The following FIGN variants were observed in gnomAD, a reference collection of about 807,000 sequenced individuals.
FIGN encodes the protein fidgetin.
FIGN carries 11 observed loss-of-function variants against 51.3 expected under a neutral mutation model. The observed-to-expected ratio is 0.21, with a 90% CI of 0.13 to 0.35. FIGN has a LOEUF of 0.35. Ranked by LOEUF, FIGN falls within the 10% of genes least tolerant of loss-of-function variation. FIGN has a pLI of 1.00. For missense variants in FIGN, 857 were observed against 943.6 expected (o/e 0.91, Z 1.20); for synonymous variants, 407 against 363.2 (o/e 1.12, Z -1.37).
In FIGN at chr2:163,637,721, C is replaced by T. The variant is rs78120300; in HGVS notation, c.26-25915G>A. On this transcript the variant is annotated intron_variant, in intron 2 of 2. Coordinates refer to ENST00000333129, the MANE Select transcript of FIGN (RefSeq NM_018086.4). ...AGCACAATCCTTTCTTGCACATGCA[C>T]ATAAGGCTTTAAAATTTTTATTTTT... 9.7e-3 allele frequency among the ~76,000 whole-genome samples: 1,468 copies of T among 151,814 alleles called. 26 individuals carry two copies. Among genetic ancestry groups the T allele is most frequent in the African/African-American group, 0.033 (1,369 of 41,336 alleles).
At chr2:163,631,087 CTA>C (rs1287707597) in intron 2 of FIGN, among the ~76,000 whole-genome samples, 2 of 152,094 alleles carry the variant, frequency 1.3e-5, no homozygotes, top group Admixed American at 1.3e-4. Context: ...AGGAGGGCAA[CTA>C]TGTGGGAAGC....
intron 2 of FIGN, among the ~76,000 whole-genome samples, chr2:163,703,138 A>G (rs1384542852): frequency 6.6e-6 from 1 of 152,084 alleles, no homozygotes; most frequent in African/African-American, 2.4e-5. Context: ...TTGAAAAAAT[A>G]AAGAAAAAAG....
intron 2 of FIGN, among the ~76,000 whole-genome samples, chr2:163,720,453 A>G (rs1406569745): frequency 1.3e-5 from 2 of 152,214 alleles, no homozygotes; most frequent in Non-Finnish European, 2.9e-5. Flanking sequence ...TCCATTAGAA[A>G]ACATTCTTTT....
chr2:163,719,777 A>G (rs940634958), intron 2 of FIGN, among the ~76,000 whole-genome samples: 1 of 152,204 alleles, frequency 6.6e-6, no homozygotes, highest in East Asian at 1.9e-4. Flanking sequence ...TTGATCACGT[A>G]GCATATCAAG....
chr2:163,680,152 C>A (rs1361182274), intron 2 of FIGN, among the ~76,000 whole-genome samples: 2 of 152,148 alleles, frequency 1.3e-5, no homozygotes, highest in Non-Finnish European at 2.9e-5. Flanking sequence ...CTTTTAGATA[C>A]AACAGGGACT....
Position 163,690,432 on chromosome 2 carries a change from C to T in FIGN, c.25+44471G>A, listed in dbSNP as rs77699662. On this transcript the variant is annotated intron_variant, in intron 2 of 2. Coordinates refer to ENST00000333129, the MANE Select transcript of FIGN (RefSeq NM_018086.4). ...AGCAGAAACAAATGTGTCAAAAAGC[C>T]GTAGAGCTGGGTGAGAATCAAAAAC... Among the ~76,000 whole-genome samples, 1,100 of 152,076 alleles carry T rather than the reference C, an allele frequency of 7.2e-3. 12 individuals carry two copies. The highest frequency in any genetic ancestry group is 0.025 in the African/African-American group (1,041 of 41,496).
intron 2 of FIGN, among the ~76,000 whole-genome samples, chr2:163,669,955 C>T (rs527764906): frequency 8.5e-5 from 13 of 152,208 alleles, no homozygotes; most frequent in African/African-American, 2.6e-4. Flanking sequence ...AGCATTGATG[C>T]CCACTCTTCC....
At position 163,655,087 on chromosome 2, in the gene FIGN, C is replaced by T. The variant is rs1441561505; in HGVS notation, c.26-43281G>A. 9.2e-5 allele frequency among the ~76,000 whole-genome samples: 14 copies of T among 152,182 alleles called. 1 individual carries two copies. In the South Asian group the frequency reaches 2.9e-3, roughly 32 times the overall value. ...GTGTGCATGCATACATGTGTACATA[C>T]TCAAGAGACGTTTTATTTTATTTTA... On this transcript the variant is annotated intron_variant, in intron 2 of 2. Transcript: ENST00000333129.
At chr2:163,623,136 G>A (rs1001036193) in intron 2 of FIGN, among the ~76,000 whole-genome samples, 8 of 152,098 alleles carry the variant, frequency 5.3e-5, no homozygotes, top group Admixed American at 5.2e-4. Flanking sequence ...AAAGGCTATA[G>A]AGAATATAAG....
intron 2 of FIGN, among the ~76,000 whole-genome samples, chr2:163,626,754 A>G (rs1022531217): frequency 6.6e-6 from 1 of 152,160 alleles, no homozygotes; most frequent in Non-Finnish European, 1.5e-5. Flanking sequence ...ATAGGAGGTC[A>G]GCACAAGATA....
chr2:163,646,085 G>A (rs1683376544), intron 2 of FIGN, among the ~76,000 whole-genome samples: 1 of 152,046 alleles, frequency 6.6e-6, no homozygotes, highest in African/African-American at 2.4e-5. Context: ...ATGCCTTTTG[G>A]TAAATGAATG....
At chr2:163,676,466 T>TATATCTAGAGTCTGTGCTCTAGATA (rs1172925470) in intron 2 of FIGN, among the ~76,000 whole-genome samples, 3 of 106,918 alleles carry the variant, frequency 2.8e-5, no homozygotes, top group African/African-American at 1.0e-4. Flanking sequence ...TATATATATA[T>TATATCTAGAGTCTGTGCTCTAGATA]ATATATATAT....
At chr2:163,659,013 T>A (rs1403209273) in intron 2 of FIGN, among the ~76,000 whole-genome samples, 3 of 152,182 alleles carry the variant, frequency 2.0e-5, no homozygotes, top group African/African-American at 7.2e-5. Context: ...AGCCACATCA[T>A]CTATACCCAC....
At chr2:163,712,889 A>G (rs1460093787) in intron 2 of FIGN, among the ~76,000 whole-genome samples, 1 of 152,204 alleles carries the variant, frequency 6.6e-6, no homozygotes, top group Non-Finnish European at 1.5e-5. Context: ...AGCAAAAGCT[A>G]TTATAGTAAT....
rs751344935 is a variant in FIGN, at chr2:163,611,676, G to A, written c.156C>T (p.Tyr52=). ...YRGHLQRTYQ[Y]AWANDDISAL... Reference sequence around the variant, plus strand: ...CAGATATGTCATCATTCGCCCAGGCGTACTGATAGGTGCGCTGCAGATGAC... The same window carrying A: ...CAGATATGTCATCATTCGCCCAGGCATACTGATAGGTGCGCTGCAGATGAC... Residue 52 remains tyrosine (Y), a synonymous_variant, in exon 3 of 3, where the codon TAC becomes TAT. Coordinates refer to ENST00000333129, the MANE Select transcript of FIGN (RefSeq NM_018086.4). 3.1e-6 allele frequency: 5 copies of A among 1,614,180 alleles called. No homozygotes were observed. Among genetic ancestry groups the A allele is most frequent in the South Asian group, 1.1e-5 (1 of 91,080 alleles).
intron 2 of FIGN, among the ~76,000 whole-genome samples, chr2:163,693,741 G>C (rs956920214): frequency 7.2e-5 from 11 of 152,106 alleles, no homozygotes; most frequent in African/African-American, 2.7e-4. Context: ...TCATAACTGG[G>C]AGAAACTCAT....
chr2:163,676,474 T>TATAG (rs1683970763), intron 2 of FIGN, among the ~76,000 whole-genome samples: 1 of 104,352 alleles, frequency 9.6e-6, no homozygotes, highest in African/African-American at 3.8e-5. Flanking sequence ...TATATATATA[T>TATAG]ATATATATAA....
rs778596686 is a variant in FIGN at position 163,611,527 on chromosome 2, C to T, written c.305G>A (p.Arg102Gln). The T allele has an allele frequency of 3.7e-5, 60 of 1,614,180 alleles. 1 individual carries two copies. The South Asian group carries it at 6.4e-4, about 17-fold the overall frequency. ...SDTPSGLVNG[R>Q]KNESEPWQPS... ...CTGCCAGGGTTCACTTTCATTTTTC[C>T]GACCGTTCACTAGTCCTGATGGTGT... The change falls in exon 3 of 3, where the codon CGG (arginine) becomes CAG (glutamine). Residue 102 changes from arginine to glutamine, a missense_variant. By Grantham distance (43) the Arg-to-Gln change is conservative. Coordinates refer to ENST00000333129, the MANE Select transcript of FIGN (RefSeq NM_018086.4).
chr2:163,675,775 C>A (rs10445757), intron 2 of FIGN, among the ~76,000 whole-genome samples: 71,393 of 136,924 alleles, frequency 0.52, 21,971 homozygotes, highest in Admixed American at 0.67. Context: ...GGAAACACTG[C>A]ACTTTTATGT....
Sources: allele counts gnomAD v4.1 joint callset (sites outside exome capture counted in the v4.1 genomes callset), GRCh38; gene constraint gnomAD v4.1.1; transcripts MANE v1.5; gene names NCBI Gene and HGNC (gene_info 2026-07-23, HGNC 2026-07-21).